Variants in TCF7L1 observed in about 807,000 individuals in gnomAD.
TCF7L1 encodes transcription factor 7-like 1.
Under a neutral mutation model 63.7 loss-of-function variants are expected in TCF7L1, and 18 were observed. That is an observed-to-expected ratio of 0.28 (90% CI 0.20 to 0.42). The LOEUF (loss-of-function observed/expected upper bound fraction) is 0.42, where lower values mean the gene tolerates loss of function less well. Among genes scored for constraint, TCF7L1 ranks in the 10% least tolerant of loss-of-function variants. TCF7L1 has a pLI of 1.00. For synonymous variants in TCF7L1, 355 were observed against 340.9 expected (o/e 1.04, Z -0.46); for missense variants, 654 against 779.3 (o/e 0.84, Z 1.91).
intron 4 of TCF7L1, among the ~76,000 whole-genome samples, chr2:85,284,926 C>T (rs1681506315): frequency 1.3e-5 from 2 of 152,164 alleles, no homozygotes; most frequent in Admixed American, 1.3e-4. Flanking sequence ...TACTTCATCT[C>T]ATAGGACATT....
At chr2:85,150,965 T>G (rs896956849) in intron 3 of TCF7L1, among the ~76,000 whole-genome samples, 1 of 152,182 alleles carries the variant, frequency 6.6e-6, no homozygotes, top group African/African-American at 2.4e-5. Context: ...GGAGCAATAA[T>G]TTTTTCAGTT....
intron 3 of TCF7L1, among the ~76,000 whole-genome samples, chr2:85,179,013 G>C (rs1375510554): frequency 6.6e-6 from 1 of 152,182 alleles, no homozygotes; most frequent in African/African-American, 2.4e-5. Context: ...AGAGCCTGGG[G>C]CTGATAAGGG....
chr2:85,144,701 CCCTT>C (rs1180847993), intron 3 of TCF7L1, among the ~76,000 whole-genome samples: 2 of 113,184 alleles, frequency 1.8e-5, no homozygotes, highest in African/African-American at 5.5e-5. Flanking sequence ...TTTCCCATCC[CCCTT>C]TCTCTCTCTC....
chr2:85,220,108 G>T (rs1251125868), intron 3 of TCF7L1, among the ~76,000 whole-genome samples: 1 of 151,932 alleles, frequency 6.6e-6, no homozygotes, highest in Non-Finnish European at 1.5e-5. Context: ...TATAAATTGT[G>T]GATAATACAT....
rs764614348 is a variant in TCF7L1 at position 85,306,223 on chromosome 2, T to G, written c.1007T>G (p.Val336Gly). 1.2e-6 allele frequency: 2 copies of G among 1,613,862 alleles called. No individual in the cohort carries two copies. Among genetic ancestry groups the G allele is most frequent in the Non-Finnish European group, 8.5e-7 (1 of 1,179,970 alleles). Reference sequence around the variant, plus strand: ...CTTCCCAGGAAATCACCAGTCACCGTGAAAAAGGAGGAGGAAAAGAAGCCC... The same window carrying G: ...CTTCCCAGGAAATCACCAGTCACCGGGAAAAAGGAGGAGGAAAAGAAGCCC... ...PAVSVKSPVT[V>G]KKEEEKKPHV... The change falls in exon 9 of 12, where the codon GTG becomes GGG. Residue 336 changes from valine to glycine, a missense_variant. Val to Gly is a moderately radical substitution (Grantham distance 109, BLOSUM62 -3). Transcript: ENST00000282111. This position sits in a 1 kb window ranked among gnomAD's most constrained non-coding sequence, Gnocchi z 4.3.
intron 3 of TCF7L1, among the ~76,000 whole-genome samples, chr2:85,281,625 G>A (rs1681422716): frequency 6.6e-6 from 1 of 152,100 alleles, no homozygotes; most frequent in African/African-American, 2.4e-5. Flanking sequence ...GGACAGAGGT[G>A]ACACCCCATT....
chr2:85,222,367 A>AC (rs374828386), intron 3 of TCF7L1, among the ~76,000 whole-genome samples: 8 of 148,776 alleles, frequency 5.4e-5, no homozygotes, highest in South Asian at 2.1e-4. Flanking sequence ...AAACAAACAA[A>AC]AAAAAAAACA....
intron 3 of TCF7L1, among the ~76,000 whole-genome samples, chr2:85,248,898 C>T (rs1357762477): frequency 6.6e-6 from 1 of 152,054 alleles, no homozygotes; most frequent in African/African-American, 2.4e-5. Flanking sequence ...TGAGAGCTAT[C>T]CTGGGCTTCT....
At chr2:85,195,871 A>T (rs1354139727) in intron 3 of TCF7L1, among the ~76,000 whole-genome samples, 1 of 152,116 alleles carries the variant, frequency 6.6e-6, no homozygotes, top group Non-Finnish European at 1.5e-5. Flanking sequence ...AAAAACCATA[A>T]AAAGAGTCCT....
At chr2:85,179,976 TTAA>T (rs1678762632) in intron 3 of TCF7L1, among the ~76,000 whole-genome samples, 1 of 152,166 alleles carries the variant, frequency 6.6e-6, no homozygotes, top group South Asian at 2.1e-4. Context: ...GGGTTAAATT[TTAA>T]TAATTGTTAA....
intron 4 of TCF7L1, among the ~76,000 whole-genome samples, chr2:85,287,228 T>A (rs2104372931): frequency 6.6e-6 from 1 of 152,358 alleles, no homozygotes; most frequent in East Asian, 1.9e-4. Context: ...GCCTGACTAC[T>A]CTCTGCTTCC....
intron 3 of TCF7L1, among the ~76,000 whole-genome samples, chr2:85,193,688 G>A (rs1679087501): frequency 6.6e-6 from 1 of 152,074 alleles, no homozygotes; most frequent in African/African-American, 2.4e-5. Context: ...AAAATAAAAA[G>A]CAATTAAAAT....
rs560373878 is a variant in TCF7L1 at position 85,154,087 on chromosome 2, G to T, written c.441+19637G>T. 3.4e-4 allele frequency among the ~76,000 whole-genome samples: 52 copies of T among 152,300 alleles called. 3 individuals are homozygous for T. In the South Asian group the frequency reaches 0.011, roughly 32 times the overall value. ...TCCTTTAAAAATAAATAAAGCCGAG[G>T]TCTGTGCTAGAGTTAGAACATTGAA... On this transcript the variant is annotated intron_variant, in intron 3 of 11. Transcript: ENST00000282111.
intron 3 of TCF7L1, among the ~76,000 whole-genome samples, chr2:85,211,812 AG>A (rs760913903): frequency 2.6e-4 from 39 of 152,204 alleles, no homozygotes; most frequent in South Asian, 6.2e-4. Context: ...ACTTTCGGCC[AG>A]GAATGGTAGC....
intron 3 of TCF7L1, chr2:85,186,850 C>T (rs1385199083): frequency 6.6e-6 from 1 of 152,114 alleles, no homozygotes; most frequent in Non-Finnish European, 1.5e-5. Flanking sequence ...AATATAAATT[C>T]TTTGTTCTCA....
At chr2:85,203,614 A>C (rs1679328970) in intron 3 of TCF7L1, among the ~76,000 whole-genome samples, 1 of 152,086 alleles carries the variant, frequency 6.6e-6, no homozygotes, top group South Asian at 2.1e-4. Context: ...CTGTAGTCAC[A>C]GCTACTCAGG....
intron 4 of TCF7L1, among the ~76,000 whole-genome samples, chr2:85,287,616 T>G (rs1298807003): frequency 1.3e-5 from 2 of 152,192 alleles, no homozygotes; most frequent in Non-Finnish European, 2.9e-5. Flanking sequence ...CTAGTAAATT[T>G]TATATTACCG....
intron 4 of TCF7L1, among the ~76,000 whole-genome samples, chr2:85,286,781 CA>C (rs1322771139): frequency 1.3e-5 from 2 of 152,158 alleles, no homozygotes; most frequent in Non-Finnish European, 1.5e-5. Context: ...AGGCGTGAGC[CA>C]CTGCGCCTGG....
chr2:85,239,259 C>T (rs1382269376), intron 3 of TCF7L1, among the ~76,000 whole-genome samples: 1 of 152,150 alleles, frequency 6.6e-6, no homozygotes, highest in Non-Finnish European at 1.5e-5. Context: ...CCTTCCTATG[C>T]AGTCGGAGGC....
Sources: gnomAD v4.1 joint callset for allele counts (sites outside exome capture counted in the v4.1 genomes callset) on GRCh38, gnomAD v4.1.1 for gene constraint, Gnocchi (gnomAD v3.1) non-coding constraint, MANE v1.5 for transcripts, NCBI Gene and HGNC (gene_info 2026-07-23, HGNC 2026-07-21) for gene names.